Variants in AGO4 observed in about 807,000 individuals in gnomAD.
The protein encoded by AGO4 is argonaute RISC component 4.
AGO4 carries 33 observed loss-of-function variants against 104.7 expected under a neutral mutation model. The ratio of observed to expected loss-of-function variants is 0.32; its 90% confidence interval spans 0.24 to 0.42. AGO4 has a LOEUF of 0.42. Among genes scored for constraint, AGO4 ranks in the 10% least tolerant of loss-of-function variants. The pLI, the probability that AGO4 is intolerant of heterozygous loss-of-function variation, is 1.00. For missense variants in AGO4, 711 were observed against 1,083.4 expected (o/e 0.66, Z 4.83); for synonymous variants, 331 against 364.7 (o/e 0.91, Z 1.05).
At chr1:35,838,087 C>T (rs1192730058) in intron 13 of AGO4, among the ~76,000 whole-genome samples, 1 of 151,918 alleles carries the variant, frequency 6.6e-6, no homozygotes, top group African/African-American at 2.4e-5. Context: ...GAGTCTCACT[C>T]TGTCACCCAG....
intron 15 of AGO4, among the ~76,000 whole-genome samples, chr1:35,842,727 A>G (rs1644473870): frequency 6.6e-6 from 1 of 152,060 alleles, no homozygotes; most frequent in Non-Finnish European, 1.5e-5. Flanking sequence ...GCTTGAACCC[A>G]GGAGCCAGAG....
rs1270832079 is a variant in AGO4 at position 35,854,940 on chromosome 1, C to T, written c.*1335C>T. 6.6e-6 allele frequency: 1 copy of T among 152,600 alleles called. No homozygotes were observed. The highest frequency in any genetic ancestry group is 1.5e-5 in the Non-Finnish European group (1 of 68,010). The allele number at this position is 152,600 out of a possible 1,614,324, so 9.5% of individuals were successfully genotyped here. ...AACTGTGTGGAAAAGGTTGATTTTTCTTAATAGATTCTGGATTCCACTCAC... is the reference window on the plus strand; with the variant it reads ...AACTGTGTGGAAAAGGTTGATTTTTTTTAATAGATTCTGGATTCCACTCAC... On this transcript the variant is annotated 3_prime_UTR_variant, in exon 18 of 18. Transcript: ENST00000373210.
intron 1 of AGO4, among the ~76,000 whole-genome samples, chr1:35,809,185 C>T (rs1009873612): frequency 3.3e-5 from 5 of 152,128 alleles, no homozygotes; most frequent in Admixed American, 2.6e-4. Context: ...GCTTTGGAAA[C>T]TAATTTGTTG....
At chr1:35,821,978 C>G (rs1005700162) in intron 2 of AGO4, among the ~76,000 whole-genome samples, 1 of 151,886 alleles carries the variant, frequency 6.6e-6, no homozygotes, top group Non-Finnish European at 1.5e-5. Flanking sequence ...ACCCCTGCCT[C>G]CTGGGTTCAA....
chr1:35,819,246 G>A (rs906287993), intron 2 of AGO4, among the ~76,000 whole-genome samples: 2 of 152,132 alleles, frequency 1.3e-5, no homozygotes, highest in African/African-American at 4.8e-5. Flanking sequence ...GAAGCAGGGA[G>A]TAGCAGATCA....
At chr1:35,840,264 TC>T (rs1327205632) in intron 13 of AGO4, among the ~76,000 whole-genome samples, 9 of 151,646 alleles carry the variant, frequency 5.9e-5, no homozygotes, top group Non-Finnish European at 1.3e-4. Context: ...TTCAAGTGAT[TC>T]TCCTGCCTCT....
chr1:35,829,553 G>T (rs1193193633), intron 7 of AGO4, among the ~76,000 whole-genome samples: 1 of 152,030 alleles, frequency 6.6e-6, no homozygotes. Flanking sequence ...GAAGATTAAC[G>T]GGCTGGGCGT....
Position 35,831,472 on chromosome 1 carries a change from A to C in AGO4, c.894A>C (p.Val298=). Residue 298 remains valine (V), a synonymous_variant, in exon 8 of 18, where the codon GTA becomes GTC. Transcript: ENST00000373210. ...LENGQAMECT[V]AQYFKQKYSL... is the part of the protein sequence containing the mutation. The stretch of plus-strand genomic sequence containing the variant: ...ACGGTCAAGCTATGGAATGTACAGT[A>C]GCTCAATATTTTAAGCAAAAGTATA... 2 of 1,614,136 alleles carry C rather than the reference A, an allele frequency of 1.2e-6. No homozygotes were observed. Among genetic ancestry groups the C allele is most frequent in the Non-Finnish European group, 1.7e-6 (2 of 1,179,984 alleles).
At position 35,825,300 on chromosome 1, in the gene AGO4, T is replaced by C. The variant is rs375887645; in HGVS notation, c.307-13T>C. On this transcript the variant is annotated splice_polypyrimidine_tract_variant and intron_variant, in intron 3 of 17. Transcript: ENST00000373210. ...AAACATTTGTGTTTGTATTCATGTA[T>C]TTTTTTCCTTAGGTTGATATGGAGG... 1 of 1,609,368 alleles carries C rather than the reference T, an allele frequency of 6.2e-7. No homozygotes were observed. The highest frequency in any genetic ancestry group is 8.5e-7 in the Non-Finnish European group (1 of 1,177,086).
Position 35,843,088 on chromosome 1 carries a change from G to T in AGO4, c.2175+1338G>T, listed in dbSNP as rs565752763. 1.1e-4 allele frequency among the ~76,000 whole-genome samples: 17 copies of T among 151,780 alleles called. No individual in the cohort carries two copies. The South Asian group carries it at 1.7e-3, about 15-fold the overall frequency. On this transcript the variant is annotated intron_variant, in intron 15 of 17. Coordinates refer to ENST00000373210, the MANE Select transcript of AGO4 (RefSeq NM_017629.4). ...TTCTTTTTTCTCTTTTTTTGAGACCGAGTTTTGCTCTTGTCACCCAGGCTG... is the reference window on the plus strand; with the variant it reads ...TTCTTTTTTCTCTTTTTTTGAGACCTAGTTTTGCTCTTGTCACCCAGGCTG...
At chr1:35,833,265 A>G (rs1260971693) in intron 11 of AGO4, among the ~76,000 whole-genome samples, 2 of 152,124 alleles carry the variant, frequency 1.3e-5, no homozygotes, top group African/African-American at 2.4e-5. Context: ...GCGACAGAGC[A>G]AGACTGCGTC....
At chr1:35,838,930 T>TA (rs905995155) in intron 13 of AGO4, among the ~76,000 whole-genome samples, 2 of 152,094 alleles carry the variant, frequency 1.3e-5, no homozygotes, top group South Asian at 2.1e-4. Context: ...CTTTTTTTTT[T>TA]AATTTAATCT....
At chr1:35,836,592 G>A (rs1164314877) in intron 13 of AGO4, among the ~76,000 whole-genome samples, 1 of 152,170 alleles carries the variant, frequency 6.6e-6, no homozygotes, top group Non-Finnish European at 1.5e-5. Flanking sequence ...TGTATTTTTA[G>A]TAGAGACGGG....
At chr1:35,832,318 A>G (rs759786320) in intron 10 of AGO4, 119 bp from the exon 11 acceptor site, 20 of 1,510,204 alleles carry the variant, frequency 1.3e-5, no homozygotes, top group Non-Finnish European at 1.4e-5. Context: ...GTTCTGGCTC[A>G]TACCTAATAG....
intron 1 of AGO4, among the ~76,000 whole-genome samples, chr1:35,814,325 T>A (rs1026657303): frequency 6.6e-6 from 1 of 152,132 alleles, no homozygotes; most frequent in Non-Finnish European, 1.5e-5. Context: ...AAATTTTTTT[T>A]ATTATACTTT....
chr1:35,834,826 G>C (rs1472754526), intron 12 of AGO4, among the ~76,000 whole-genome samples: 2 of 151,878 alleles, frequency 1.3e-5, no homozygotes, highest in African/African-American at 4.8e-5. Flanking sequence ...CTCTCGAGTA[G>C]CTGGGAATAC....
At chr1:35,813,334 G>A (rs1459501065) in intron 1 of AGO4, among the ~76,000 whole-genome samples, 6 of 151,916 alleles carry the variant, frequency 3.9e-5, no homozygotes, top group Non-Finnish European at 7.4e-5. Context: ...GCGTGAACCC[G>A]GGAGGCAGAG....
rs1021719196 is a variant in AGO4, at chr1:35,857,224, G to C, written c.*3619G>C. On this transcript the variant is annotated 3_prime_UTR_variant, in exon 18 of 18. Coordinates refer to ENST00000373210, the MANE Select transcript of AGO4 (RefSeq NM_017629.4). Reference sequence around the variant, plus strand: ...TGATATTTTCTTGCTCAATAGCAAGGTGGTAGCTCTGCTTTCATTTTAAGA... The same window carrying C: ...TGATATTTTCTTGCTCAATAGCAAGCTGGTAGCTCTGCTTTCATTTTAAGA... 1.3e-5 allele frequency: 2 copies of C among 152,224 alleles called. No individual in the cohort carries two copies. Among genetic ancestry groups the C allele is most frequent in the African/African-American group, 4.8e-5 (2 of 41,466 alleles). The allele number at this position is 152,224 out of a possible 1,614,324, so 9.4% of individuals were successfully genotyped here.
intron 17 of AGO4, chr1:35,851,296 C>T (rs1644696279): frequency 3.8e-6 from 2 of 520,142 alleles, no homozygotes; most frequent in Non-Finnish European, 6.9e-6. Flanking sequence ...GTGGTTCTCC[C>T]ATGGAGCCAA....
Sources: gnomAD v4.1 joint callset for allele counts (sites outside exome capture counted in the v4.1 genomes callset) on GRCh38, gnomAD v4.1.1 for gene constraint, MANE v1.5 for transcripts, NCBI Gene and HGNC (gene_info 2026-07-23, HGNC 2026-07-21) for gene names.